ATXN7L1: variants seen among roughly 807,000 people sequenced by gnomAD.
The protein encoded by ATXN7L1 is ataxin 7 like 1, also known as ataxin-7-like protein 1.
In ATXN7L1, 15 loss-of-function variants were observed where a neutral mutation model predicts 70.8. The observed-to-expected ratio is 0.21, with a 90% CI of 0.14 to 0.33. ATXN7L1 has a LOEUF of 0.33. Ranked by LOEUF, ATXN7L1 falls within the 10% of genes least tolerant of loss-of-function variation. The pLI, the probability that ATXN7L1 is intolerant of heterozygous loss-of-function variation, is 1.00. For synonymous variants in ATXN7L1, 440 were observed against 445.1 expected (o/e 0.99, Z 0.14); for missense variants, 975 against 1,097.1 (o/e 0.89, Z 1.57).
At chr7:105,830,938 C>G (rs740308) in intron 2 of ATXN7L1, among the ~76,000 whole-genome samples, 22,165 of 152,272 alleles carry the variant, frequency 0.15, 1,729 homozygotes, top group Middle Eastern at 0.22. Flanking sequence ...AAGTCCAGTG[C>G]TTCTCAATCT....
intron 3 of ATXN7L1, among the ~76,000 whole-genome samples, chr7:105,758,469 T>C (rs1405053128): frequency 1.3e-5 from 2 of 152,348 alleles, no homozygotes; most frequent in African/African-American, 4.8e-5. Flanking sequence ...CACTCTTCAG[T>C]GTGAAGCAGG....
chr7:105,800,988 C>T (rs1385947182), intron 2 of ATXN7L1, among the ~76,000 whole-genome samples: 3 of 152,152 alleles, frequency 2.0e-5, no homozygotes, highest in Non-Finnish European at 2.9e-5. Context: ...GGAGTCAGAT[C>T]GCCTGAACTT....
intron 2 of ATXN7L1, among the ~76,000 whole-genome samples, chr7:105,814,487 C>T (rs1340075456): frequency 2.6e-5 from 4 of 152,010 alleles, no homozygotes; most frequent in Non-Finnish European, 5.9e-5. Context: ...CTAGGATGCC[C>T]ATATACATTA....
chr7:105,789,867 T>C (rs1057263954), intron 2 of ATXN7L1, among the ~76,000 whole-genome samples: 2 of 150,948 alleles, frequency 1.3e-5, no homozygotes, highest in African/African-American at 4.9e-5. Context: ...TGTACATGGA[T>C]GTTCACAGCA....
chr7:105,842,381 T>A (rs1401348476), intron 2 of ATXN7L1, among the ~76,000 whole-genome samples: 1 of 152,216 alleles, frequency 6.6e-6, no homozygotes, highest in Non-Finnish European at 1.5e-5. Flanking sequence ...TTCCCCTTTT[T>A]GCTCAGCCTC....
At chr7:105,819,728 C>G in intron 2 of ATXN7L1, 1 of 808,982 alleles carries the variant, frequency 1.2e-6, no homozygotes, top group Non-Finnish European at 2.2e-6. Flanking sequence ...CTAGCCGCAC[C>G]TTCCGGCTGA....
chr7:105,693,697 C>T (rs1231360417), intron 3 of ATXN7L1, among the ~76,000 whole-genome samples: 3 of 152,112 alleles, frequency 2.0e-5, no homozygotes, highest in Non-Finnish European at 2.9e-5. Flanking sequence ...GCCAGCTTCA[C>T]CTTTGTTTTG....
intron 3 of ATXN7L1, among the ~76,000 whole-genome samples, chr7:105,759,148 T>TA (rs1554452794): frequency 3.6e-4 from 48 of 135,184 alleles, no homozygotes; most frequent in African/African-American, 1.3e-3. Context: ...GCCTTTTTTT[T>TA]AGTTTATTCT....
chr7:105,708,394 C>T (rs1793447686), intron 3 of ATXN7L1, among the ~76,000 whole-genome samples: 1 of 152,186 alleles, frequency 6.6e-6, no homozygotes, highest in Admixed American at 6.5e-5. Flanking sequence ...ATAAAACAGC[C>T]TCTCCAAGTT....
chr7:105,744,167 C>T (rs936637989), intron 3 of ATXN7L1, among the ~76,000 whole-genome samples: 2 of 152,208 alleles, frequency 1.3e-5, no homozygotes, highest in African/African-American at 2.4e-5. Flanking sequence ...CATCCCCACA[C>T]AGAAACAATG....
intron 3 of ATXN7L1, chr7:105,677,991 A>G: frequency 1.0e-6 from 1 of 984,986 alleles, no homozygotes; most frequent in Non-Finnish European, 1.2e-6. Flanking sequence ...TAACGGAACC[A>G]TTTCTGTTCT....
intron 2 of ATXN7L1, among the ~76,000 whole-genome samples, chr7:105,868,774 T>C (rs1023363772): frequency 1.3e-5 from 2 of 152,224 alleles, no homozygotes; most frequent in African/African-American, 4.8e-5. Flanking sequence ...AATGAATGTG[T>C]ATGTGTGTGT....
chr7:105,633,901 G>C (rs1204406139), intron 7 of ATXN7L1, among the ~76,000 whole-genome samples: 2 of 152,212 alleles, frequency 1.3e-5, no homozygotes, highest in African/African-American at 4.8e-5. Flanking sequence ...AGCAAAGGGA[G>C]AAACAGGGAC....
intron 2 of ATXN7L1, among the ~76,000 whole-genome samples, chr7:105,863,380 G>T (rs1293201867): frequency 2.0e-5 from 3 of 152,224 alleles, no homozygotes; most frequent in African/African-American, 7.2e-5. Context: ...AGTCAAGGGG[G>T]AATGAAAGGT....
At chr7:105,671,636 C>T (rs1803704495) in intron 3 of ATXN7L1, among the ~76,000 whole-genome samples, 2 of 152,254 alleles carry the variant, frequency 1.3e-5, no homozygotes, top group South Asian at 2.1e-4. Flanking sequence ...GTGGCTCATG[C>T]CTGTAATTCC....
At chr7:105,846,340 A>G (rs1397879368) in intron 2 of ATXN7L1, among the ~76,000 whole-genome samples, 1 of 152,160 alleles carries the variant, frequency 6.6e-6, no homozygotes, top group Non-Finnish European at 1.5e-5. Context: ...AATGGCCAAT[A>G]GGTGCCATCA....
At chr7:105,739,762 C>T (rs1156674465) in intron 3 of ATXN7L1, among the ~76,000 whole-genome samples, 2 of 152,200 alleles carry the variant, frequency 1.3e-5, no homozygotes, top group Non-Finnish European at 2.9e-5. Flanking sequence ...GCGTTTTCAA[C>T]AAGTTCCCTA....
intron 3 of ATXN7L1, among the ~76,000 whole-genome samples, chr7:105,767,400 T>C (rs1801419351): frequency 6.6e-6 from 1 of 152,158 alleles, no homozygotes; most frequent in Non-Finnish European, 1.5e-5. Context: ...TCCTTGCTGC[T>C]TCTCTCCCGC....
chr7:105,757,081 T>C (rs1799891439), intron 3 of ATXN7L1, among the ~76,000 whole-genome samples: 1 of 152,104 alleles, frequency 6.6e-6, no homozygotes, highest in Non-Finnish European at 1.5e-5. Context: ...AGTTGTACAG[T>C]CACGAAAGGG....
Sources: gnomAD v4.1 joint callset for allele counts (sites outside exome capture counted in the v4.1 genomes callset) on GRCh38, gnomAD v4.1.1 for gene constraint, MANE v1.5 for transcripts, NCBI Gene and HGNC (gene_info 2026-07-23, HGNC 2026-07-21) for gene names.